The following BCL2L13 variants were observed in gnomAD, a reference collection of about 807,000 sequenced individuals.
BCL2L13 encodes bcl-2-like protein 13.
Under a neutral mutation model 25.8 loss-of-function variants are expected in BCL2L13, and 13 were observed. The ratio of observed to expected loss-of-function variants is 0.50; its 90% CI spans 0.33 to 0.80. The LOEUF is 0.80. Ranked by LOEUF, BCL2L13 falls within the 30% of genes least tolerant of loss-of-function variation. BCL2L13 has a pLI of 0.02. For missense variants in BCL2L13, 504 were observed against 574.9 expected (o/e 0.88, Z 1.26); for synonymous variants, 244 against 230.3 (o/e 1.06, Z -0.54).
At position 17,696,296 on chromosome 22, in the gene BCL2L13, A is replaced by G. The variant is rs181384119; in HGVS notation, c.456+86A>G. The G allele has an allele frequency of 4.9e-4, 546 of 1,107,506 alleles. 2 individuals carry two copies. The East Asian group carries it at 0.011, about 23-fold the overall frequency. 68.6% of individuals were successfully genotyped at this position (1,107,506 alleles called of 1,614,324 possible). On this transcript the variant is annotated intron_variant, in intron 5 of 6. Coordinates refer to ENST00000317582, the MANE Select transcript of BCL2L13 (RefSeq NM_015367.4). ...AGGAATTGCTAGCATCATCAGCAGA[A>G]AACTGTTAGAGCTCATTCTTTAATG... is the stretch of plus-strand genomic sequence containing the variant.
intron 6 of BCL2L13, among the ~76,000 whole-genome samples, chr22:17,704,987 CAA>C (rs138284178): frequency 8.5e-4 from 97 of 113,986 alleles, no homozygotes; most frequent in African/African-American, 1.7e-3. Context: ...GAAAGATAGG[CAA>C]AAAAAAAAAA....
intron 6 of BCL2L13, among the ~76,000 whole-genome samples, chr22:17,719,841 A>AC (rs1255605164): frequency 3.1e-5 from 3 of 96,500 alleles, no homozygotes; most frequent in Admixed American, 1.0e-4. Context: ...AAAAAAAAAA[A>AC]AAAAAAAAAG....
chr22:17,724,637 G>A (rs1488825557), intron 6 of BCL2L13, among the ~76,000 whole-genome samples: 1 of 152,150 alleles, frequency 6.6e-6, no homozygotes, highest in Non-Finnish European at 1.5e-5. Flanking sequence ...TTAGATCCTT[G>A]ATGTATGTAG....
chr22:17,725,542 TTTC>T (rs1340044294), intron 6 of BCL2L13, among the ~76,000 whole-genome samples: 3 of 152,208 alleles, frequency 2.0e-5, no homozygotes, highest in Non-Finnish European at 4.4e-5. Context: ...CTGAACTTTT[TTTC>T]TTCTTCTTCT....
intron 6 of BCL2L13, chr22:17,706,731 T>C: frequency 7.4e-7 from 1 of 1,351,700 alleles, no homozygotes; most frequent in South Asian, 1.1e-5. Context: ...TCATCCTTGC[T>C]CCCTCCCTCC....
intron 2 of BCL2L13, among the ~76,000 whole-genome samples, chr22:17,670,417 C>T (rs969728316): frequency 6.0e-5 from 9 of 149,206 alleles, no homozygotes; most frequent in African/African-American, 2.2e-4. Flanking sequence ...TCTTGTTGCC[C>T]AGGTTGGAGT....
intron 6 of BCL2L13, among the ~76,000 whole-genome samples, chr22:17,712,143 G>A (rs2060781553): frequency 1.3e-5 from 2 of 152,008 alleles, no homozygotes. Flanking sequence ...ACTCTGAAAT[G>A]CAAATTATTT....
At chr22:17,717,500 G>A (rs10222285) in intron 6 of BCL2L13, among the ~76,000 whole-genome samples, 2,866 of 152,068 alleles carry the variant, frequency 0.019, 81 homozygotes, top group African/African-American at 0.066. Context: ...ATCTTACCCA[G>A]GTGGTCTCTA....
At chr22:17,674,714 C>T (rs2059526452) in intron 2 of BCL2L13, among the ~76,000 whole-genome samples, 1 of 152,058 alleles carries the variant, frequency 6.6e-6, no homozygotes, top group African/African-American at 2.4e-5. Context: ...GCCTCAAACT[C>T]CTGAGCTCAA....
intron 1 of BCL2L13, among the ~76,000 whole-genome samples, chr22:17,648,867 C>G (rs559817781): frequency 2.0e-5 from 3 of 152,096 alleles, no homozygotes; most frequent in Non-Finnish European, 4.4e-5. Context: ...GGTTGGCAAA[C>G]GACTTCAGTG....
rs747907142 is a variant in BCL2L13 at position 17,729,658 on chromosome 22, G to A, written c.*2124G>A. The A allele has an allele frequency of 3.3e-5, 5 of 152,172 alleles. No homozygotes were observed. The highest frequency in any genetic ancestry group is 1.2e-4 in the African/African-American group (5 of 41,434). 9.4% of individuals were successfully genotyped at this position (152,172 alleles called of 1,614,324 possible). On this transcript the variant is annotated 3_prime_UTR_variant, in exon 7 of 7. Coordinates refer to ENST00000317582, the MANE Select transcript of BCL2L13 (RefSeq NM_015367.4). Reference sequence around the variant, plus strand: ...GGAAATTGGAGCCTGTGTTGCCCACGAAAGGAAAGAATAAGGAAGAAATGT... The same window carrying A: ...GGAAATTGGAGCCTGTGTTGCCCACAAAAGGAAAGAATAAGGAAGAAATGT...
rs770513115 is a variant in BCL2L13, at chr22:17,729,432, T to G, written c.*1898T>G. The stretch of plus-strand genomic sequence containing the variant: ...TCTGATAGTTGCATTGATTGTTCTG[T>G]ATTCTAATTGCTATATTTGTGTTTG... On this transcript the variant is annotated 3_prime_UTR_variant, in exon 7 of 7. Transcript: ENST00000317582. 1.1e-4 allele frequency: 17 copies of G among 152,238 alleles called. No individual in the cohort carries two copies. The highest frequency in any genetic ancestry group is 1.9e-4 in the Non-Finnish European group (13 of 68,044). 9.4% of individuals were successfully genotyped at this position (152,238 alleles called of 1,614,324 possible).
chr22:17,684,955 T>A (rs576620128), intron 3 of BCL2L13, among the ~76,000 whole-genome samples: 1 of 151,940 alleles, frequency 6.6e-6, no homozygotes, highest in South Asian at 2.1e-4. Context: ...GATGGTCTCG[T>A]TGATCTCCTG....
At chr22:17,653,495 A>ATTTT (rs34652783) in intron 1 of BCL2L13, among the ~76,000 whole-genome samples, 26 of 110,714 alleles carry the variant, frequency 2.3e-4, no homozygotes, top group African/African-American at 2.9e-4. Flanking sequence ...CTCCAGTATG[A>ATTTT]TTTTTTTTTT....
At chr22:17,658,567 G>T (rs141920522) in intron 2 of BCL2L13, among the ~76,000 whole-genome samples, 17 of 151,452 alleles carry the variant, frequency 1.1e-4, no homozygotes, top group Admixed American at 4.6e-4. Flanking sequence ...GGTGGCACAC[G>T]CCTGTAATCC....
intron 1 of BCL2L13, among the ~76,000 whole-genome samples, chr22:17,641,347 A>G (rs1032888540): frequency 2.0e-5 from 3 of 152,044 alleles, no homozygotes; most frequent in African/African-American, 7.2e-5. Flanking sequence ...TGTTTAATAT[A>G]TATACAAAGT....
rs1056897451 is a variant in BCL2L13 at position 17,660,654 on chromosome 22, ACCTCAAGT to A, written c.121+4823_121+4830del. On this transcript the variant is annotated intron_variant, in intron 2 of 6. Transcript: ENST00000317582. ...TGGCCAGGCTGGTCTTGAACTCCGGACCTCAAGTGATCCGCTCACCTTGGCCTCCCAAA... is the reference window on the plus strand; with the variant it reads ...TGGCCAGGCTGGTCTTGAACTCCGGAGATCCGCTCACCTTGGCCTCCCAAA... Among the ~76,000 whole-genome samples, 16 of 145,714 alleles carry A rather than the reference ACCTCAAGT, an allele frequency of 1.1e-4. 2 individuals are homozygous for A. The highest frequency in any genetic ancestry group is 1.9e-4 in the African/African-American group (8 of 41,110).
At chr22:17,661,514 G>A (rs1224499811) in intron 2 of BCL2L13, among the ~76,000 whole-genome samples, 2 of 146,234 alleles carry the variant, frequency 1.4e-5, no homozygotes, top group African/African-American at 4.9e-5. Context: ...GGAGGTTCTT[G>A]AAGTGGCTGA....
intron 2 of BCL2L13, among the ~76,000 whole-genome samples, chr22:17,676,288 C>G (rs567202718): frequency 8.0e-6 from 1 of 124,708 alleles, no homozygotes; most frequent in African/African-American, 3.2e-5. Context: ...ATGGCAGAAC[C>G]CTATCTCTAC....
Sources: gnomAD v4.1 joint callset for allele counts (sites outside exome capture counted in the v4.1 genomes callset) on GRCh38, gnomAD v4.1.1 for gene constraint, MANE v1.5 for transcripts, NCBI Gene and HGNC (gene_info 2026-07-23, HGNC 2026-07-21) for gene names.